Variants in HDAC9 observed in about 807,000 individuals in gnomAD.
HDAC9 encodes histone deacetylase 9, also known as MEF-2 interacting transcription repressor (MITR) protein.
In HDAC9, 41 loss-of-function variants were observed where a neutral mutation model predicts 139.4. The ratio of observed to expected loss-of-function variants is 0.29; its 90% CI spans 0.23 to 0.38. The LOEUF is 0.38. Ranked by LOEUF, HDAC9 falls within the 10% of genes least tolerant of loss-of-function variation. The pLI, the probability that HDAC9 is intolerant of heterozygous loss-of-function variation, is 1.00. For synonymous variants in HDAC9, 517 were observed against 476.2 expected (o/e 1.09, Z -1.12); for missense variants, 1,147 against 1,297.0 (o/e 0.88, Z 1.78).
chr7:18,249,219 C>A (rs189372803), intron 2 of HDAC9, among the ~76,000 whole-genome samples: 1 of 151,916 alleles, frequency 6.6e-6, no homozygotes, highest in Non-Finnish European at 1.5e-5. Flanking sequence ...AATCTTTCTT[C>A]AGTCTGGGTG....
chr7:18,373,934 CTAAG>C (rs1784781897), intron 1 of HDAC9, among the ~76,000 whole-genome samples: 1 of 151,782 alleles, frequency 6.6e-6, no homozygotes, highest in Admixed American at 6.6e-5. Flanking sequence ...GATATTTAAT[CTAAG>C]TACTTCTAAA....
chr7:18,987,347 C>T (rs576026381), intron 25 of HDAC9, among the ~76,000 whole-genome samples: 1 of 152,236 alleles, frequency 6.6e-6, no homozygotes, highest in East Asian at 1.9e-4. Flanking sequence ...GTCTTTGGTT[C>T]TGTTTATATG....
intron 3 of HDAC9, among the ~76,000 whole-genome samples, chr7:18,587,533 C>T (rs1829799439): frequency 6.6e-6 from 1 of 152,102 alleles, no homozygotes; most frequent in African/African-American, 2.4e-5. Context: ...GAGAAAGATG[C>T]ATTACATGAT....
chr7:18,124,218 A>G (rs1411775846), intron 1 of HDAC9, among the ~76,000 whole-genome samples: 1 of 152,212 alleles, frequency 6.6e-6, no homozygotes, highest in African/African-American at 2.4e-5. Flanking sequence ...AGATCTGTAG[A>G]CAAATAAGAA....
At chr7:18,509,228 A>G in intron 2 of HDAC9, 3 of 977,040 alleles carry the variant, frequency 3.1e-6, no homozygotes, top group Non-Finnish European at 3.6e-6. Context: ...TCTAAGTCAA[A>G]GCACAATTAG....
At chr7:18,905,019 C>T (rs1802095105) in intron 22 of HDAC9, among the ~76,000 whole-genome samples, 1 of 152,118 alleles carries the variant, frequency 6.6e-6, no homozygotes, top group Non-Finnish European at 1.5e-5. Flanking sequence ...CTGCTTTAGC[C>T]TCCTGAGTAG....
At chr7:18,469,045 T>C (rs996020582) in intron 1 of HDAC9, among the ~76,000 whole-genome samples, 3 of 152,228 alleles carry the variant, frequency 2.0e-5, no homozygotes, top group Non-Finnish European at 4.4e-5. Context: ...TCACCTACTC[T>C]ACATTGATTC....
At chr7:18,293,214 T>C (rs1028918721) in intron 1 of HDAC9, among the ~76,000 whole-genome samples, 1 of 152,122 alleles carries the variant, frequency 6.6e-6, no homozygotes, top group Non-Finnish European at 1.5e-5. Flanking sequence ...ATATGATCTT[T>C]TTGCAGAAAA....
At position 18,634,059 on chromosome 7, in the gene HDAC9, C is replaced by A. The variant is rs190839635; in HGVS notation, c.797-568C>A. 5.9e-5 allele frequency among the ~76,000 whole-genome samples: 9 copies of A among 152,176 alleles called. No individual in the cohort carries two copies. The East Asian group carries it at 9.7e-4, about 16-fold the overall frequency. Reference sequence around the variant, plus strand: ...AGAGTTAAAGTCAGATGGTCTTGTACAAGGTCATCAGTGCAATGTTGAGAT... The same window carrying A: ...AGAGTTAAAGTCAGATGGTCTTGTAAAAGGTCATCAGTGCAATGTTGAGAT... On this transcript the variant is annotated intron_variant, in intron 7 of 25. Coordinates refer to ENST00000686413, the MANE Select transcript of HDAC9 (RefSeq NM_178425.4).
intron 2 of HDAC9, among the ~76,000 whole-genome samples, chr7:18,271,775 C>T (rs1299405377): frequency 6.6e-6 from 1 of 152,170 alleles, no homozygotes; most frequent in Admixed American, 6.5e-5. Flanking sequence ...GGAGAACCCT[C>T]CTTTGATACC....
At chr7:18,419,498 A>G (rs1301287137) in intron 1 of HDAC9, among the ~76,000 whole-genome samples, 1 of 147,528 alleles carries the variant, frequency 6.8e-6, no homozygotes, top group African/African-American at 2.5e-5. Context: ...GATAAGTTTT[A>G]GTGTTTTCCA....
At chr7:18,166,534 A>C (rs897836637) in intron 2 of HDAC9, among the ~76,000 whole-genome samples, 2 of 152,170 alleles carry the variant, frequency 1.3e-5, no homozygotes, top group Admixed American at 1.3e-4. Context: ...AATGATCAAA[A>C]AGTTCTTTGA....
intron 2 of HDAC9, among the ~76,000 whole-genome samples, chr7:18,564,991 ATTTATTT>A (rs1821834008): frequency 6.7e-6 from 1 of 149,878 alleles, no homozygotes; most frequent in African/African-American, 2.4e-5. Context: ...TTATTTATTT[ATTTATTT>A]ATTTATTTAT....
intron 12 of HDAC9, chr7:18,668,749 CTT>C (rs1795463833): frequency 1.0e-6 from 1 of 980,140 alleles, no homozygotes; most frequent in Non-Finnish European, 1.2e-6. Flanking sequence ...AAGGTGATCT[CTT>C]GTTTTGTGTT....
intron 20 of HDAC9, 69 bp downstream of exon 20, chr7:18,835,655 C>T (rs772025696): frequency 1.9e-6 from 3 of 1,575,728 alleles, no homozygotes; most frequent in South Asian, 2.2e-5. Context: ...CATGATTACC[C>T]CTAATTTTCT....
rs1782432843 is a variant in HDAC9, at chr7:18,346,582, G to C, written c.-42+56067G>C. On this transcript the variant is annotated intron_variant, in intron 1 of 3. Coordinates refer to the HDAC9 transcript ENST00000413509. ...GTTGCAGTTTTTACATTGTTCTTTT[G>C]CTGTCATTAAAAGAAAAAAAATCAT... 2.0e-5 allele frequency among the ~76,000 whole-genome samples: 3 copies of C among 151,816 alleles called. No homozygotes were observed. The South Asian group carries it at 6.2e-4, about 31-fold the overall frequency.
At chr7:18,703,839 C>T (rs1020738340) in intron 12 of HDAC9, among the ~76,000 whole-genome samples, 1 of 152,022 alleles carries the variant, frequency 6.6e-6, no homozygotes, top group African/African-American at 2.4e-5. Context: ...CAAGTGTGAA[C>T]TGGGTTGGCT....
intron 17 of HDAC9, among the ~76,000 whole-genome samples, chr7:18,814,893 T>C (rs1305202583): frequency 2.0e-5 from 3 of 152,184 alleles, no homozygotes; most frequent in Non-Finnish European, 4.4e-5. Flanking sequence ...ACAATGTACA[T>C]TGCAATTAGT....
At chr7:18,987,862 T>A in intron 25 of HDAC9, among the ~76,000 whole-genome samples, 1 of 152,200 alleles carries the variant, frequency 6.6e-6, no homozygotes, top group Non-Finnish European at 1.5e-5. Context: ...CGTAGAGGTG[T>A]TTGTAGTATT....
Sources: gnomAD v4.1 joint callset for allele counts (sites outside exome capture counted in the v4.1 genomes callset) on GRCh38, gnomAD v4.1.1 for gene constraint, MANE v1.5 for transcripts, NCBI Gene and HGNC (gene_info 2026-07-23, HGNC 2026-07-21) for gene names.